Variants in TTLL1 observed in about 807,000 individuals in gnomAD.
TTLL1 encodes TTL family tubulin polyglutamylase complex subunit L1.
TTLL1 carries 33 observed loss-of-function variants against 47.8 expected under a neutral mutation model. That is an observed-to-expected ratio of 0.69 (90% confidence interval 0.52 to 0.92). The LOEUF is 0.92. TTLL1 is among the 40% of genes least tolerant of loss of function. The pLI is 0.00. For missense variants in TTLL1, 488 were observed against 547.5 expected (o/e 0.89, Z 1.08); for synonymous variants, 225 against 214.1 (o/e 1.05, Z -0.45).
At chr22:43,069,391 CAAAAAAAAA>C (rs1303585838) in intron 4 of TTLL1, among the ~76,000 whole-genome samples, 5 of 60,062 alleles carry the variant, frequency 8.3e-5, no homozygotes, top group Non-Finnish European at 1.5e-4. Context: ...GATTCTGTCT[CAAAAAAAAA>C]AAAAAAAAAA....
chr22:43,058,876 C>T (rs1237633622), intron 8 of TTLL1, among the ~76,000 whole-genome samples: 1 of 151,744 alleles, frequency 6.6e-6, no homozygotes, highest in African/African-American at 2.4e-5. Context: ...TTGTATGTTT[C>T]GTAGAGACAG....
intron 8 of TTLL1, among the ~76,000 whole-genome samples, chr22:43,058,936 G>A (rs572528106): frequency 5.7e-4 from 86 of 152,172 alleles, no homozygotes; most frequent in African/African-American, 1.7e-3. Context: ...CAGGTGATCC[G>A]CCTGCCTCGC....
intron 5 of TTLL1, among the ~76,000 whole-genome samples, chr22:43,067,538 A>G (rs1927818929): frequency 1.3e-5 from 2 of 152,170 alleles, no homozygotes; most frequent in South Asian, 4.1e-4. Context: ...CCCATGACCT[A>G]CACCCTTCTT....
chr22:43,039,569 T>TAAA lies in TTLL1; in HGVS notation c.*204_*206dup, dbSNP rs36120119. 45,270 of 415,620 alleles carry TAAA rather than the reference T, an allele frequency of 0.11. 2,928 individuals are homozygous for TAAA. Among genetic ancestry groups the TAAA allele is most frequent in the East Asian group, 0.32 (5,898 of 18,486 alleles). The allele number at this position is 415,620 out of a possible 1,614,324, so 25.7% of individuals were successfully genotyped here. On this transcript the variant is annotated 3_prime_UTR_variant, in exon 11 of 11. Coordinates refer to ENST00000266254, the MANE Select transcript of TTLL1 (RefSeq NM_012263.5). The stretch of plus-strand genomic sequence containing the variant: ...TGAAAATTCTGCTTAGGTTAAAAAT[T>TAAA]AAAAAAAAAAGAGCGAGTTTTATAC...
chr22:43,066,018 G>T (rs1569432791), intron 5 of TTLL1, among the ~76,000 whole-genome samples: 1 of 151,898 alleles, frequency 6.6e-6, no homozygotes, highest in Non-Finnish European at 1.5e-5. Context: ...AATTAGCCAG[G>T]TGTGGTGGCG....
At chr22:43,063,723 C>A in intron 7 of TTLL1, 90 bp downstream of exon 7, 1 of 1,262,576 alleles carries the variant, frequency 7.9e-7, no homozygotes, top group Non-Finnish European at 1.1e-6. Context: ...GCCTCAGCCT[C>A]CCAAAGTGCC....
At chr22:43,056,470 T>A (rs868236391) in intron 8 of TTLL1, among the ~76,000 whole-genome samples, 1 of 144,238 alleles carries the variant, frequency 6.9e-6, no homozygotes, top group African/African-American at 2.7e-5. Context: ...GTCTTTTTTT[T>A]TTTTTTTTTT....
Position 43,039,816 on chromosome 22 carries a change from G to A in TTLL1, c.1232C>T (p.Ser411Leu), listed in dbSNP as rs116153895. ...GAGGACCGCTCTCCCCGAGTCTCTCGATCGGCCTGCTCTGGGCCCCAGAGA... is the reference window on the plus strand; with the variant it reads ...GAGGACCGCTCTCCCCGAGTCTCTCAATCGGCCTGCTCTGGGCCCCAGAGA... Reference protein sequence around the residue: ...GQSLGPRAGRSRDSGRAVLTT... With the variant: ...GQSLGPRAGRLRDSGRAVLTT... The change falls in exon 11 of 11, where the codon TCG becomes TTG. Residue 411 changes from serine to leucine, a missense_variant. Coordinates refer to ENST00000266254, the MANE Select transcript of TTLL1 (RefSeq NM_012263.5). 7 of 1,613,818 alleles carry A rather than the reference G, an allele frequency of 4.3e-6. No homozygotes were observed. The highest frequency in any genetic ancestry group is 4.0e-5 in the African/African-American group (3 of 74,892).
chr22:43,079,395 C>A (rs932773845), intron 2 of TTLL1, among the ~76,000 whole-genome samples: 2 of 151,676 alleles, frequency 1.3e-5, no homozygotes, highest in Non-Finnish European at 2.9e-5. Flanking sequence ...ACGGGAGCTG[C>A]ATCCCAGAGC....
intron 2 of TTLL1, among the ~76,000 whole-genome samples, chr22:43,077,870 G>GCCGA (rs138249818): frequency 8.7e-4 from 133 of 152,276 alleles, no homozygotes; most frequent in African/African-American, 3.1e-3. Context: ...ACTTTGAGAG[G>GCCGA]CCGAGGCAGG....
chr22:43,053,253 G>T (rs1010191491), intron 8 of TTLL1, among the ~76,000 whole-genome samples: 4 of 152,038 alleles, frequency 2.6e-5, no homozygotes, highest in Admixed American at 2.0e-4. Flanking sequence ...CTTGTCACAC[G>T]ATAGAGGGCA....
At chr22:43,073,837 T>A (rs913779021) in intron 3 of TTLL1, among the ~76,000 whole-genome samples, 92 of 151,520 alleles carry the variant, frequency 6.1e-4, no homozygotes, top group Admixed American at 1.1e-3. Flanking sequence ...TTATTTATTT[T>A]TTTTGAGACA....
chr22:43,081,793 C>T (rs972257241), intron 1 of TTLL1, among the ~76,000 whole-genome samples: 7 of 151,364 alleles, frequency 4.6e-5, no homozygotes, highest in South Asian at 2.1e-4. Flanking sequence ...ATGATCCACC[C>T]GCTTCGGCCT....
intron 8 of TTLL1, among the ~76,000 whole-genome samples, chr22:43,059,130 C>T (rs764061605): frequency 2.0e-5 from 3 of 152,180 alleles, no homozygotes; most frequent in South Asian, 2.1e-4. Context: ...GCTGGGATTA[C>T]ACGTGCATGC....
intron 2 of TTLL1, among the ~76,000 whole-genome samples, chr22:43,075,877 C>T (rs1928453306): frequency 6.6e-6 from 1 of 152,208 alleles, no homozygotes; most frequent in South Asian, 2.1e-4. Flanking sequence ...CCCCAAATGT[C>T]AACTGTGCCA....
chr22:43,051,870 G>A lies in TTLL1; in HGVS notation c.909C>T (p.Asp303=), dbSNP rs747845830. The change falls in exon 9 of 11, where the codon GAC becomes GAT. Residue 303 remains aspartate (D), a synonymous_variant. Coordinates refer to ENST00000266254, the MANE Select transcript of TTLL1 (RefSeq NM_012263.5). The stretch of plus-strand genomic sequence containing the variant: ...AGCCATAGCATTCAAAGCAGTGCTT[G>A]TCATTGTTCATCACCGGCTGGAGAG... The part of the protein sequence containing the change: ...LKAVAPVMNN[D]KHCFECYGYD... The A allele has an allele frequency of 3.1e-6, 5 of 1,614,010 alleles. No homozygotes were observed. Among genetic ancestry groups the A allele is most frequent in the African/African-American group, 2.7e-5 (2 of 75,004 alleles).
At position 43,048,312 on chromosome 22, in the gene TTLL1, G is replaced by A. The variant is rs915385763; in HGVS notation, c.979-1739C>T. On this transcript the variant is annotated intron_variant, in intron 9 of 10. Transcript: ENST00000266254. ...AGCCTGGGTCACAGAGTGAGACTCCGTCTCAAAAAAAAAGAAAGAAAAAAA... is the reference window on the plus strand; with the variant it reads ...AGCCTGGGTCACAGAGTGAGACTCCATCTCAAAAAAAAAGAAAGAAAAAAA... Among the ~76,000 whole-genome samples, 3 of 149,946 alleles carry A rather than the reference G, an allele frequency of 2.0e-5. No homozygotes were observed. In the Admixed American group the frequency reaches 2.0e-4, roughly 10 times the overall value.
intron 8 of TTLL1, among the ~76,000 whole-genome samples, chr22:43,053,786 C>A (rs1384973666): frequency 1.3e-5 from 2 of 152,362 alleles, no homozygotes; most frequent in East Asian, 3.9e-4. Context: ...AACAGCTTTT[C>A]AGTTCAGGAA....
intron 3 of TTLL1, among the ~76,000 whole-genome samples, chr22:43,071,824 G>A (rs534952068): frequency 6.6e-6 from 1 of 152,340 alleles, no homozygotes; most frequent in South Asian, 2.1e-4. Context: ...CCGATGGGAT[G>A]AGCTGGGGGT....
Sources: gnomAD v4.1 joint callset for allele counts (sites outside exome capture counted in the v4.1 genomes callset) on GRCh38, gnomAD v4.1.1 for gene constraint, MANE v1.5 for transcripts, NCBI Gene and HGNC (gene_info 2026-07-23, HGNC 2026-07-21) for gene names.